The following PDIA6 variants were observed in gnomAD, a reference collection of about 807,000 sequenced individuals.
The protein encoded by PDIA6 is protein disulfide-isomerase A6.
A neutral mutation model predicts 58.4 loss-of-function variants in PDIA6; 29 were observed. The observed-to-expected ratio is 0.50, with a 90% CI of 0.37 to 0.68. The LOEUF (loss-of-function observed/expected upper bound fraction) is 0.68. Among genes scored for constraint, PDIA6 ranks in the 30% least tolerant of loss-of-function variants. The pLI, the probability that PDIA6 is intolerant of heterozygous loss-of-function variation, is 0.00. For synonymous variants in PDIA6, 192 were observed against 202.6 expected (o/e 0.95, Z 0.44); for missense variants, 480 against 551.0 (o/e 0.87, Z 1.29).
intron 8 of PDIA6, among the ~76,000 whole-genome samples, chr2:10,789,459 G>A (rs1478990596): frequency 6.6e-6 from 1 of 152,138 alleles, no homozygotes; most frequent in East Asian, 1.9e-4. Context: ...AACGGTGCCT[G>A]TTACATGATT....
Position 10,784,256 on chromosome 2 carries a change from T to G in PDIA6, c.*2A>C. The G allele has an allele frequency of 6.2e-7, 1 of 1,610,398 alleles. No homozygotes were observed. Among genetic ancestry groups the G allele is most frequent in the Non-Finnish European group, 8.5e-7 (1 of 1,177,632 alleles). On this transcript the variant is annotated 3_prime_UTR_variant, in exon 13 of 13. Coordinates refer to ENST00000272227, the MANE Select transcript of PDIA6 (RefSeq NM_005742.4). ...AATGGTCTGAAGCCTCTGTTGTGGC[T>G]CTCACAACTCATCTTTCCCTAAGTC...
chr2:10,789,043 G>T, intron 8 of PDIA6, 62 bp from the exon 9 acceptor site: 1 of 1,247,784 alleles, frequency 8.0e-7, no homozygotes, highest in Non-Finnish European at 1.2e-6. Flanking sequence ...CTAAAGGTAA[G>T]CTGGCAAACA....
At chr2:10,786,121 G>C (rs1281362097) in intron 11 of PDIA6, among the ~76,000 whole-genome samples, 1 of 152,022 alleles carries the variant, frequency 6.6e-6, no homozygotes, top group Non-Finnish European at 1.5e-5. Context: ...TCAGGGGTTT[G>C]AGACCCGCCT....
upstream of PDIA6, among the ~76,000 whole-genome samples, chr2:10,836,769 A>G (rs116149367): frequency 9.7e-3 from 1,475 of 151,696 alleles, 27 homozygotes; most frequent in African/African-American, 0.034. Context: ...GTGTCTTTTC[A>G]TTGCCGCTTG....
intron 4 of PDIA6, among the ~76,000 whole-genome samples, chr2:10,794,241 T>C (rs902521839): frequency 6.7e-6 from 1 of 149,986 alleles, no homozygotes; most frequent in Non-Finnish European, 1.5e-5. Flanking sequence ...AGGTCAGGAG[T>C]TCAAGACCAT....
intron 2 of PDIA6, among the ~76,000 whole-genome samples, chr2:10,801,044 C>T (rs902988967): frequency 2.6e-5 from 4 of 152,034 alleles, no homozygotes; most frequent in African/African-American, 7.2e-5. Flanking sequence ...TTTGCGAGGC[C>T]GAGACAGGCG....
At chr2:10,810,487 G>A in intron 1 of PDIA6, 1 of 1,297,870 alleles carries the variant, frequency 7.7e-7, no homozygotes, top group Non-Finnish European at 9.8e-7. Flanking sequence ...GTATAAAGAC[G>A]CTCTTTACTG....
intron 1 of PDIA6, among the ~76,000 whole-genome samples, chr2:10,829,656 G>T (rs1057135822): frequency 6.6e-6 from 1 of 152,038 alleles, no homozygotes; most frequent in Non-Finnish European, 1.5e-5. Flanking sequence ...CCTAGTTCAG[G>T]TCCCAGAATT....
chr2:10,810,929 T>C (rs973266482), intron 1 of PDIA6, among the ~76,000 whole-genome samples: 30 of 152,120 alleles, frequency 2.0e-4, no homozygotes, highest in African/African-American at 7.0e-4. Flanking sequence ...GTCTAGAATC[T>C]CTGTGAGCAG....
chr2:10,834,093 C>A (rs548880279), upstream of PDIA6, among the ~76,000 whole-genome samples: 2 of 152,348 alleles, frequency 1.3e-5, no homozygotes, highest in South Asian at 4.1e-4. Flanking sequence ...TTGCAAAGTC[C>A]CAACAGCTTC....
chr2:10,829,659 C>G (rs1225025876), intron 1 of PDIA6, among the ~76,000 whole-genome samples: 1 of 152,128 alleles, frequency 6.6e-6, no homozygotes, highest in East Asian at 1.9e-4. Flanking sequence ...AGTTCAGGTC[C>G]CAGAATTTCT....
At chr2:10,832,246 C>T (rs895448787) in exon 1 of PDIA6, 18 of 193,732 alleles carry the variant, frequency 9.3e-5, no homozygotes, top group Admixed American at 2.6e-4. Flanking sequence ...TAAGAATGCT[C>T]ACAACAGCAG....
At position 10,789,190 on chromosome 2, in the gene PDIA6, G is replaced by A. The variant is rs372931857; in HGVS notation, c.841-209C>T. Among the ~76,000 whole-genome samples the A allele has an allele frequency of 1.1e-4, 17 of 152,312 alleles. No individual in the cohort carries two copies. The South Asian group carries it at 2.5e-3, about 22-fold the overall frequency. On this transcript the variant is annotated intron_variant, in intron 8 of 12. Transcript: ENST00000272227. ...TAAGCCTGTGGAAGCTGTGGTGGTGGAGGTGGGGTGATTAGCACACATACA... is the reference window on the plus strand; with the variant it reads ...TAAGCCTGTGGAAGCTGTGGTGGTGAAGGTGGGGTGATTAGCACACATACA...
At chr2:10,813,386 A>G (rs1323946481), upstream of PDIA6, among the ~76,000 whole-genome samples, 1 of 152,198 alleles carries the variant, frequency 6.6e-6, no homozygotes, top group African/African-American at 2.4e-5. Context: ...CTTAAGCGGT[A>G]GCCTCCTCGC....
At chr2:10,794,225 C>T (rs1041595006) in intron 4 of PDIA6, among the ~76,000 whole-genome samples, 1 of 151,924 alleles carries the variant, frequency 6.6e-6, no homozygotes, top group Non-Finnish European at 1.5e-5. Context: ...GCACGTGGAA[C>T]ACCTGAGGTC....
upstream of PDIA6, among the ~76,000 whole-genome samples, chr2:10,834,728 T>A (rs774144577): frequency 5.0e-5 from 1 of 19,878 alleles, no homozygotes; most frequent in Non-Finnish European, 1.1e-4. Context: ...CCTCCCTTCC[T>A]TCCCTCCTTC....
chr2:10,800,049 G>A (rs1177271857), intron 2 of PDIA6, among the ~76,000 whole-genome samples: 2 of 152,012 alleles, frequency 1.3e-5, no homozygotes, highest in Admixed American at 6.6e-5. Context: ...ATTTCCTTAC[G>A]AATGTAAACA....
upstream of PDIA6, among the ~76,000 whole-genome samples, chr2:10,813,252 G>A (rs1380478252): frequency 6.6e-6 from 1 of 152,182 alleles, no homozygotes; most frequent in African/African-American, 2.4e-5. Context: ...CATTTGCTCC[G>A]CACGCGCTGT....
At chr2:10,787,469 A>G (rs1665824327) in intron 10 of PDIA6, 30 bp from the exon 11 acceptor site, 4 of 1,591,422 alleles carry the variant, frequency 2.5e-6, no homozygotes, top group Non-Finnish European at 3.4e-6. Context: ...TTTAGGGCAA[A>G]TATGTCTTTT....
Sources: allele counts gnomAD v4.1 joint callset (sites outside exome capture counted in the v4.1 genomes callset), GRCh38; gene constraint gnomAD v4.1.1; transcripts MANE v1.5; gene names NCBI Gene and HGNC (gene_info 2026-07-23, HGNC 2026-07-21).